The following STK32B variants were observed in gnomAD, a reference collection of about 807,000 sequenced individuals.
The protein encoded by STK32B is serine/threonine-protein kinase 32B.
STK32B carries 43 observed loss-of-function variants against 52.6 expected under a neutral mutation model. The ratio of observed to expected loss-of-function variants is 0.82; its 90% CI spans 0.64 to 1.05. The LOEUF is 1.05. STK32B is among the 50% of genes least tolerant of loss of function. The probability of loss-of-function intolerance (pLI) is 0.00; values close to 1 mark genes in which losing one functional copy is unlikely to be tolerated. For synonymous variants in STK32B, 238 were observed against 204.3 expected (o/e 1.17, Z -1.41); for missense variants, 621 against 534.6 (o/e 1.16, Z -1.59).
chr4:5,110,582 A>T (rs116311800), intron 1 of STK32B, among the ~76,000 whole-genome samples: 2 of 152,122 alleles, frequency 1.3e-5, no homozygotes, highest in African/African-American at 4.8e-5. Context: ...CTGGACCCCT[A>T]TCTCTTACCA....
intron 1 of STK32B, among the ~76,000 whole-genome samples, chr4:5,078,253 A>G (rs771084738): frequency 4.9e-4 from 75 of 152,164 alleles, no homozygotes; most frequent in South Asian, 2.1e-4. Context: ...TCACTGGCCA[A>G]AATGTGCTGG....
At chr4:5,431,286 T>C (rs1014220980) in intron 6 of STK32B, among the ~76,000 whole-genome samples, 1 of 152,350 alleles carries the variant, frequency 6.6e-6, no homozygotes, top group Admixed American at 6.5e-5. Flanking sequence ...TTTGGTTTTT[T>C]ATAGCAAGTT....
At chr4:5,099,556 A>C (rs1373608524) in intron 1 of STK32B, among the ~76,000 whole-genome samples, 2 of 152,142 alleles carry the variant, frequency 1.3e-5, no homozygotes, top group East Asian at 3.8e-4. Context: ...GTCATGGAAG[A>C]AGATTGCTTC....
chr4:5,266,356 C>G (rs549498192), intron 3 of STK32B, among the ~76,000 whole-genome samples: 1 of 152,182 alleles, frequency 6.6e-6, no homozygotes, highest in South Asian at 2.1e-4. Context: ...ATAAACAGCC[C>G]TCTTCAGAGC....
At chr4:5,331,887 C>T (rs902441836) in intron 4 of STK32B, among the ~76,000 whole-genome samples, 4 of 152,192 alleles carry the variant, frequency 2.6e-5, no homozygotes, top group African/African-American at 9.6e-5. Flanking sequence ...TTACTTCTCC[C>T]TGCTATGCAC....
intron 3 of STK32B, among the ~76,000 whole-genome samples, chr4:5,241,333 T>C (rs1725005812): frequency 1.3e-5 from 2 of 152,178 alleles, no homozygotes; most frequent in Non-Finnish European, 2.9e-5. Flanking sequence ...TTGCCCCATG[T>C]ACCATTATTT....
At chr4:5,270,956 C>T (rs1390512677) in intron 3 of STK32B, among the ~76,000 whole-genome samples, 1 of 152,048 alleles carries the variant, frequency 6.6e-6, no homozygotes, top group East Asian at 1.9e-4. Flanking sequence ...CCCCTCCCGC[C>T]CAGAGACAGA....
At chr4:5,206,912 A>C (rs972575389) in intron 3 of STK32B, among the ~76,000 whole-genome samples, 1 of 152,078 alleles carries the variant, frequency 6.6e-6, no homozygotes, top group Non-Finnish European at 1.5e-5. Flanking sequence ...CATTCTTCCC[A>C]CCCAAAGTGC....
chr4:5,359,882 T>C (rs1234333085), intron 4 of STK32B, among the ~76,000 whole-genome samples: 1 of 152,170 alleles, frequency 6.6e-6, no homozygotes, highest in African/African-American at 2.4e-5. Context: ...TAGGGACTTA[T>C]CAGCCTCTGC....
At chr4:5,473,224 T>A (rs999028405) in intron 11 of STK32B, among the ~76,000 whole-genome samples, 1 of 152,152 alleles carries the variant, frequency 6.6e-6, no homozygotes, top group African/African-American at 2.4e-5. Context: ...CTCCCTGGGG[T>A]CAGGTACAGG....
intron 3 of STK32B, among the ~76,000 whole-genome samples, chr4:5,305,015 T>G (rs1286739338): frequency 6.6e-6 from 1 of 152,014 alleles, no homozygotes; most frequent in Non-Finnish European, 1.5e-5. Context: ...TGTGAAATCA[T>G]CCCTGCATCC....
chr4:5,461,440 C>T (rs1717016503), intron 9 of STK32B, among the ~76,000 whole-genome samples: 1 of 152,172 alleles, frequency 6.6e-6, no homozygotes, highest in Admixed American at 6.5e-5. Context: ...AATGTCTCCC[C>T]ACATCAGTTT....
chr4:5,355,705 A>G (rs7661177), intron 4 of STK32B, among the ~76,000 whole-genome samples: 53,333 of 151,980 alleles, frequency 0.35, 11,927 homozygotes, highest in African/African-American at 0.64. Context: ...AATCAAAAAT[A>G]TCTCCACACA....
At chr4:5,192,636 G>A (rs911404266) in intron 3 of STK32B, among the ~76,000 whole-genome samples, 1 of 152,188 alleles carries the variant, frequency 6.6e-6, no homozygotes, top group Non-Finnish European at 1.5e-5. Context: ...CATCCAACGT[G>A]ATGTTTTGAT....
intron 4 of STK32B, among the ~76,000 whole-genome samples, chr4:5,366,169 G>C (rs997357559): frequency 1.3e-5 from 2 of 152,136 alleles, no homozygotes; most frequent in African/African-American, 4.8e-5. Flanking sequence ...AGCAGAAAGT[G>C]GCCTCAATCC....
intron 3 of STK32B, among the ~76,000 whole-genome samples, chr4:5,211,176 G>T (rs903139789): frequency 1.3e-5 from 2 of 152,152 alleles, no homozygotes; most frequent in Admixed American, 1.3e-4. Context: ...CTTCAGTAAA[G>T]AACTTCATTT....
intron 3 of STK32B, among the ~76,000 whole-genome samples, chr4:5,320,725 A>G (rs1036349517): frequency 6.6e-6 from 1 of 152,206 alleles, no homozygotes; most frequent in Non-Finnish European, 1.5e-5. Context: ...AAACATCATT[A>G]ACTATATTTA....
intron 5 of STK32B, among the ~76,000 whole-genome samples, chr4:5,411,556 T>C (rs1166596376): frequency 6.6e-6 from 1 of 152,174 alleles, no homozygotes; most frequent in Non-Finnish European, 1.5e-5. Flanking sequence ...TGATTTAAAG[T>C]GTGTGGGAGG....
At chr4:5,163,582 A>AAG (rs1225611623) in intron 2 of STK32B, among the ~76,000 whole-genome samples, 17 of 86,942 alleles carry the variant, frequency 2.0e-4, no homozygotes, top group South Asian at 1.2e-3. Flanking sequence ...GTGTGTGTGT[A>AAG]AGAGAGAGAG....
Sources: gnomAD v4.1 joint callset for allele counts (sites outside exome capture counted in the v4.1 genomes callset) on GRCh38, gnomAD v4.1.1 for gene constraint, MANE v1.5 for transcripts, NCBI Gene and HGNC (gene_info 2026-07-23, HGNC 2026-07-21) for gene names.